The following YAP1 variants were observed in gnomAD, a reference collection of about 807,000 sequenced individuals.
The protein encoded by YAP1 is Yes1 associated transcriptional regulator, also known as transcriptional coactivator YAP1.
In YAP1, 5 loss-of-function variants were observed where a neutral mutation model predicts 56.9. That is an observed-to-expected ratio of 0.09 (90% confidence interval 0.05 to 0.18). The LOEUF (loss-of-function observed/expected upper bound fraction) is 0.18, where lower values mean the gene tolerates loss of function less well. Ranked by LOEUF, YAP1 falls within the 10% of genes least tolerant of loss-of-function variation. YAP1 has a pLI of 1.00. For missense variants in YAP1, 539 were observed against 651.8 expected, an observed-to-expected ratio of 0.83 and a Z score of 1.88; for synonymous variants, 265 against 248.1, an observed-to-expected ratio of 1.07 and a Z score of -0.64.
intron 2 of YAP1, among the ~76,000 whole-genome samples, chr11:102,153,765 G>A (rs975375076): frequency 6.6e-6 from 1 of 151,888 alleles, no homozygotes; most frequent in African/African-American, 2.4e-5. Flanking sequence ...GAGAGCTTGA[G>A]TTTGTTCTTA....
intron 4 of YAP1, among the ~76,000 whole-genome samples, chr11:102,192,134 A>G (rs181290320): frequency 2.5e-3 from 380 of 152,296 alleles, no homozygotes; most frequent in Admixed American, 5.0e-3. Context: ...TACTTAAGGA[A>G]AATTCTAATG....
chr11:102,171,247 A>G (rs944801445), intron 3 of YAP1, among the ~76,000 whole-genome samples: 1 of 152,208 alleles, frequency 6.6e-6, no homozygotes, highest in African/African-American at 2.4e-5. Context: ...ACTGATTTCT[A>G]AATCCTTCTG....
chr11:102,227,188 T>G, intron 7 of YAP1: 3 of 303,250 alleles, frequency 9.9e-6, no homozygotes, highest in South Asian at 6.9e-5. Flanking sequence ...TAACTGGGGG[T>G]ATCTTTTTTT....
intron 6 of YAP1, among the ~76,000 whole-genome samples, chr11:102,222,418 G>T (rs1043830103): frequency 2.0e-5 from 3 of 152,226 alleles, no homozygotes; most frequent in African/African-American, 7.2e-5. Flanking sequence ...AAAAAGGACA[G>T]AGTAGTAATG....
intron 7 of YAP1, among the ~76,000 whole-genome samples, chr11:102,226,798 G>C (rs758467058): frequency 6.6e-6 from 1 of 151,954 alleles, no homozygotes; most frequent in African/African-American, 2.4e-5. Context: ...GTTTCGTTTC[G>C]TACTGAAGTG....
At chr11:102,203,712 A>G (rs2135586285) in intron 4 of YAP1, among the ~76,000 whole-genome samples, 1 of 152,356 alleles carries the variant, frequency 6.6e-6, no homozygotes, top group Non-Finnish European at 1.5e-5. Context: ...AAACATAAAA[A>G]TATATTCCAA....
At chr11:102,144,181 G>A (rs1945187502) in intron 2 of YAP1, among the ~76,000 whole-genome samples, 1 of 152,158 alleles carries the variant, frequency 6.6e-6, no homozygotes, top group Non-Finnish European at 1.5e-5. Flanking sequence ...TTAATGAAAA[G>A]TGAAAATTCT....
intron 4 of YAP1, among the ~76,000 whole-genome samples, chr11:102,195,211 A>G (rs1948512133): frequency 6.6e-6 from 1 of 152,214 alleles, no homozygotes; most frequent in Non-Finnish European, 1.5e-5. Flanking sequence ...CACCTCATTT[A>G]GCAACCCTTG....
intron 2 of YAP1, among the ~76,000 whole-genome samples, chr11:102,153,585 A>G (rs915177611): frequency 6.6e-6 from 1 of 152,194 alleles, no homozygotes; most frequent in African/African-American, 2.4e-5. Context: ...AGTTCTGTGG[A>G]TAACCAAATT....
At chr11:102,127,287 G>C in intron 2 of YAP1, among the ~76,000 whole-genome samples, 1 of 152,184 alleles carries the variant, frequency 6.6e-6, no homozygotes, top group Non-Finnish European at 1.5e-5. Context: ...TCACAGGCCT[G>C]GAGGCCCAGG....
At chr11:102,180,681 CAAAAAA>C (rs58820066) in intron 3 of YAP1, among the ~76,000 whole-genome samples, 16 of 42,610 alleles carry the variant, frequency 3.8e-4, no homozygotes, top group African/African-American at 1.3e-3. Flanking sequence ...GACTCCATCT[CAAAAAA>C]AAAAAAAAAA....
intron 3 of YAP1, among the ~76,000 whole-genome samples, chr11:102,174,833 A>G (rs935146132): frequency 3.9e-5 from 6 of 152,182 alleles, no homozygotes; most frequent in African/African-American, 7.2e-5. Context: ...GGCATCTGCT[A>G]TAAAGAGGAC....
chr11:102,111,208 G>T (rs1467122919), intron 1 of YAP1, 39 bp downstream of exon 1: 5 of 1,606,820 alleles, frequency 3.1e-6, no homozygotes, highest in African/African-American at 1.3e-5. Context: ...CCCGTCGGGC[G>T]GGCCTCAGAC....
At chr11:102,183,316 A>T (rs1947741305) in intron 3 of YAP1, among the ~76,000 whole-genome samples, 1 of 152,226 alleles carries the variant, frequency 6.6e-6, no homozygotes, top group Non-Finnish European at 1.5e-5. Flanking sequence ...GTATCTGAAG[A>T]AGACTTCAGA....
chr11:102,205,831 T>TC, intron 4 of YAP1, 62 bp from the exon 5 acceptor site: 1 of 1,420,760 alleles, frequency 7.0e-7, no homozygotes, highest in Non-Finnish European at 9.3e-7. Flanking sequence ...AATAATTAAA[T>TC]CATCATTTTA....
At chr11:102,205,810 A>G (rs910362792) in intron 4 of YAP1, 83 bp from the exon 5 acceptor site, 2 of 1,355,500 alleles carry the variant, frequency 1.5e-6, no homozygotes, top group Admixed American at 6.2e-5. Flanking sequence ...GAATATCCCA[A>G]ATTGCTTTTG....
chr11:102,196,223 ACGTTGTGGGAACGTATGTCTC>A, intron 4 of YAP1, among the ~76,000 whole-genome samples: 1 of 152,148 alleles, frequency 6.6e-6, no homozygotes, highest in East Asian at 1.9e-4. Flanking sequence ...GTATGTCTCC[ACGTTGTGGGAACGTATGTCTC>A]CACAAAAACC....
At chr11:102,121,811 A>G (rs1274070277) in intron 2 of YAP1, among the ~76,000 whole-genome samples, 1 of 151,976 alleles carries the variant, frequency 6.6e-6, no homozygotes, top group Non-Finnish European at 1.5e-5. Flanking sequence ...TGTTTGGTTT[A>G]TTTTGAGACA....
chr11:102,218,040 G>A (rs1037755850), intron 6 of YAP1, among the ~76,000 whole-genome samples: 1 of 152,060 alleles, frequency 6.6e-6, no homozygotes, highest in Non-Finnish European at 1.5e-5. Flanking sequence ...CTTCACAGGT[G>A]TACACACATG....
Sources: gnomAD v4.1 joint callset for allele counts (sites outside exome capture counted in the v4.1 genomes callset) on GRCh38, gnomAD v4.1.1 for gene constraint, MANE v1.5 for transcripts, NCBI Gene and HGNC (gene_info 2026-07-23, HGNC 2026-07-21) for gene names.